Variants in SLC12A1 observed in about 807,000 individuals in gnomAD.
SLC12A1 encodes the protein solute carrier family 12 member 1, also known as Na-K-2Cl cotransporter.
Under a neutral mutation model 130.4 loss-of-function variants are expected in SLC12A1, and 89 were observed. The observed-to-expected ratio is 0.68, with a 90% CI of 0.58 to 0.81. SLC12A1 has a LOEUF of 0.81. Among genes scored for constraint, SLC12A1 ranks in the 40% least tolerant of loss-of-function variants. The pLI is 0.00. For synonymous variants in SLC12A1, 499 were observed against 460.0 expected (o/e 1.08, Z -1.09); for missense variants, 1,310 against 1,336.4 (o/e 0.98, Z 0.31).
At chr15:48,263,815 T>C (rs2041801803) in intron 17 of SLC12A1, among the ~76,000 whole-genome samples, 1 of 151,960 alleles carries the variant, frequency 6.6e-6, no homozygotes, top group Non-Finnish European at 1.5e-5. Flanking sequence ...ACCTCAGCCT[T>C]CCCAGTGTCC....
intron 10 of SLC12A1, among the ~76,000 whole-genome samples, chr15:48,244,530 C>T (rs2041555284): frequency 6.6e-6 from 1 of 152,144 alleles, no homozygotes. Context: ...TCTCTTACCA[C>T]TCAAATCTAA....
At chr15:48,294,469 T>C (rs1423827498) in intron 24 of SLC12A1, among the ~76,000 whole-genome samples, 1 of 152,230 alleles carries the variant, frequency 6.6e-6, no homozygotes, top group African/African-American at 2.4e-5. Flanking sequence ...CATACTCTAC[T>C]GCCTTACATT....
chr15:48,218,904 T>C lies in SLC12A1; in HGVS notation c.421-1730T>C, dbSNP rs537019553. Among the ~76,000 whole-genome samples the C allele has an allele frequency of 3.9e-5, 6 of 152,312 alleles. No homozygotes were observed. In the South Asian group the frequency reaches 1.2e-3, roughly 32 times the overall value. ...TCAAACCCATATCTTAAAGAGAAAT[T>C]ATAGATAGAGAACTATTCTCAATTT... On this transcript the variant is annotated intron_variant, in intron 2 of 26. Coordinates refer to ENST00000380993, the MANE Select transcript of SLC12A1 (RefSeq NM_000338.3).
intron 4 of SLC12A1, 49 bp downstream of exon 4, chr15:48,221,045 C>A (rs1353134568): frequency 6.6e-7 from 1 of 1,510,028 alleles, no homozygotes; most frequent in Middle Eastern, 1.7e-4. Context: ...ATCATAAATT[C>A]AATAAGCAAT....
At chr15:48,230,210 C>G (rs2041353950) in intron 6 of SLC12A1, among the ~76,000 whole-genome samples, 183 bp from the exon 7 acceptor site, 1 of 152,116 alleles carries the variant, frequency 6.6e-6, no homozygotes, top group Non-Finnish European at 1.5e-5. Context: ...TATCAAAGGC[C>G]TATTATCACA....
intron 2 of SLC12A1, among the ~76,000 whole-genome samples, chr15:48,210,836 C>A (rs2141003970): frequency 6.6e-6 from 1 of 151,606 alleles, no homozygotes; most frequent in East Asian, 1.9e-4. Flanking sequence ...GCACTCCAGT[C>A]TGGGCAACAG....
In SLC12A1 at chr15:48,288,039, T is replaced by C. The variant is rs1443055555; in HGVS notation, c.2630-4T>C. The C allele has an allele frequency of 6.2e-7, 1 of 1,607,402 alleles. No homozygotes were observed. The highest frequency in any genetic ancestry group is 8.5e-7 in the Non-Finnish European group (1 of 1,176,874). Reference sequence around the variant, plus strand: ...CAGATGCATCAATTCCTCTTTCGTTTCAGATGGCAGCATTAACACAAGCCA... The same window carrying C: ...CAGATGCATCAATTCCTCTTTCGTTCCAGATGGCAGCATTAACACAAGCCA... On this transcript the variant is annotated splice_polypyrimidine_tract_variant and splice_region_variant and intron_variant, in intron 21 of 26. Coordinates refer to ENST00000380993, the MANE Select transcript of SLC12A1 (RefSeq NM_000338.3).
At chr15:48,221,909 A>G (rs2041221498) in intron 4 of SLC12A1, among the ~76,000 whole-genome samples, 1 of 152,316 alleles carries the variant, frequency 6.6e-6, no homozygotes, top group Admixed American at 6.5e-5. Context: ...GTAGTTGGTC[A>G]TTATTTATTG....
intron 20 of SLC12A1, among the ~76,000 whole-genome samples, chr15:48,282,116 G>A (rs1257869245): frequency 1.3e-5 from 2 of 152,156 alleles, no homozygotes; most frequent in African/African-American, 2.4e-5. Context: ...AAGAACTTGC[G>A]AAAATCACTA....
intron 21 of SLC12A1, among the ~76,000 whole-genome samples, chr15:48,285,487 G>C (rs2042047769): frequency 6.6e-6 from 1 of 152,122 alleles, no homozygotes; most frequent in Non-Finnish European, 1.5e-5. Context: ...GTAATATTTG[G>C]TTTGGAAGTC....
rs765883227 is a variant in SLC12A1 at position 48,208,011 on chromosome 15, C to G, written c.292C>G (p.Leu98Val). 1 of 1,613,858 alleles carries G rather than the reference C, an allele frequency of 6.2e-7. No homozygotes were observed. Among genetic ancestry groups the G allele is most frequent in the Admixed American group, 1.7e-5 (1 of 60,000 alleles). The change falls in exon 2 of 27, where the codon CTA (leucine) becomes GTA (valine). Residue 98 changes from leucine to valine, a missense_variant. Physicochemically the swap from Leu to Val is conservative, Grantham distance 32. Coordinates refer to ENST00000380993, the MANE Select transcript of SLC12A1 (RefSeq NM_000338.3). ...TGATTCTCACACAAACACATACTAT[C>G]TACAAACTTTTGGCCACAACACCAT... ...AYDSHTNTYY[L>V]QTFGHNTMDA...
chr15:48,286,892 T>C (rs1428291465), intron 21 of SLC12A1, among the ~76,000 whole-genome samples: 2 of 152,198 alleles, frequency 1.3e-5, no homozygotes, highest in African/African-American at 4.8e-5. Context: ...TTGACTTGTC[T>C]GTAAGTGAGG....
At chr15:48,243,332 C>G (rs954430654) in intron 10 of SLC12A1, among the ~76,000 whole-genome samples, 6 of 152,004 alleles carry the variant, frequency 3.9e-5, no homozygotes, top group African/African-American at 1.4e-4. Context: ...GATCCCTGCA[C>G]TGATTATTTA....
At chr15:48,289,523 C>T (rs2042098531) in intron 23 of SLC12A1, among the ~76,000 whole-genome samples, 1 of 150,552 alleles carries the variant, frequency 6.6e-6, no homozygotes. Context: ...TACATTGTTA[C>T]ATTCTGAGAA....
intron 25 of SLC12A1, among the ~76,000 whole-genome samples, chr15:48,300,322 T>C (rs927016201): frequency 5.3e-5 from 8 of 150,700 alleles, no homozygotes; most frequent in African/African-American, 2.0e-4. Flanking sequence ...TGAAACCCTG[T>C]TTAAAAAAAA....
At chr15:48,209,350 A>G (rs2041024248) in intron 2 of SLC12A1, among the ~76,000 whole-genome samples, 1 of 152,218 alleles carries the variant, frequency 6.6e-6, no homozygotes, top group Non-Finnish European at 1.5e-5. Flanking sequence ...TACAGGTGTG[A>G]GCCACCATGC....
At chr15:48,251,517 TTA>T in intron 14 of SLC12A1, 96 bp from the exon 15 acceptor site, 1 of 958,648 alleles carries the variant, frequency 1.0e-6, no homozygotes, top group Non-Finnish European at 1.7e-6. Context: ...TTCTGATTCT[TTA>T]TGTCAGGAAA....
intron 10 of SLC12A1, among the ~76,000 whole-genome samples, chr15:48,244,313 G>C (rs1004600382): frequency 1.3e-5 from 2 of 152,176 alleles, no homozygotes; most frequent in Non-Finnish European, 2.9e-5. Flanking sequence ...GTTGAAAAGA[G>C]GGGCTGCGTT....
intron 24 of SLC12A1, among the ~76,000 whole-genome samples, chr15:48,292,208 T>C (rs1566859026): frequency 6.6e-6 from 1 of 152,204 alleles, no homozygotes; most frequent in Admixed American, 6.5e-5. Flanking sequence ...AGTTTTGTTA[T>C]TCAGAGTTAC....
Sources: gnomAD v4.1 joint callset for allele counts (sites outside exome capture counted in the v4.1 genomes callset) on GRCh38, gnomAD v4.1.1 for gene constraint, MANE v1.5 for transcripts, NCBI Gene and HGNC (gene_info 2026-07-23, HGNC 2026-07-21) for gene names.